Variants in FGGY observed in about 807,000 individuals in gnomAD.
FGGY encodes FGGY carbohydrate kinase domain containing.
In FGGY, 72 loss-of-function variants were observed where a neutral mutation model predicts 71.3. The observed-to-expected ratio is 1.01, with a 90% CI of 0.84 to 1.23. FGGY has a LOEUF of 1.23. Among genes scored for constraint, FGGY ranks in the 50% most tolerant of loss-of-function variants. The probability of loss-of-function intolerance (pLI) is 0.00; values close to 1 mark genes in which losing one functional copy is unlikely to be tolerated. For missense variants in FGGY, 668 were observed against 682.3 expected (o/e 0.98, Z 0.23); for synonymous variants, 251 against 250.3 (o/e 1.00, Z -0.02).
chr1:59,667,238 A>T (rs761539757), intron 12 of FGGY, 45 bp from the exon 13 acceptor site: 4 of 1,612,354 alleles, frequency 2.5e-6, no homozygotes, highest in Non-Finnish European at 3.4e-6. Context: ...CCTAGTGTTT[A>T]CTTTTGTGAC....
At chr1:59,498,996 C>T (rs1186420801) in intron 6 of FGGY, among the ~76,000 whole-genome samples, 1 of 152,176 alleles carries the variant, frequency 6.6e-6, no homozygotes, top group African/African-American at 2.4e-5. Flanking sequence ...GTAGAAGTTT[C>T]AAGGAGCTCT....
chr1:59,653,356 C>T (rs1161453549), intron 11 of FGGY, among the ~76,000 whole-genome samples: 3 of 152,184 alleles, frequency 2.0e-5, no homozygotes, highest in Non-Finnish European at 2.9e-5. Flanking sequence ...CCCAGCCTTG[C>T]TGCCGCCTTG....
intron 14 of FGGY, among the ~76,000 whole-genome samples, chr1:59,687,920 G>C (rs912230460): frequency 4.6e-5 from 7 of 152,168 alleles, no homozygotes; most frequent in African/African-American, 1.7e-4. Flanking sequence ...AGTCCTTATA[G>C]AGAATTCACT....
chr1:59,466,848 A>C (rs1210723086), intron 6 of FGGY, among the ~76,000 whole-genome samples: 4 of 152,192 alleles, frequency 2.6e-5, no homozygotes, highest in African/African-American at 7.2e-5. Context: ...TTAAACAGGA[A>C]ACAACAGGTG....
chr1:59,544,957 TC>T (rs1033712035), intron 7 of FGGY, among the ~76,000 whole-genome samples: 96 of 152,308 alleles, frequency 6.3e-4, no homozygotes, highest in African/African-American at 2.2e-3. Context: ...CTCCCCATCT[TC>T]CTTCCCTGAT....
intron 8 of FGGY, among the ~76,000 whole-genome samples, chr1:59,593,975 AAGGCTGT>A (rs1218477907): frequency 6.6e-6 from 1 of 152,192 alleles, no homozygotes; most frequent in Non-Finnish European, 1.5e-5. Context: ...CTCTGCACAA[AAGGCTGT>A]AGTTCATAGC....
At chr1:59,463,811 C>T (rs2153528060) in intron 6 of FGGY, among the ~76,000 whole-genome samples, 1 of 152,256 alleles carries the variant, frequency 6.6e-6, no homozygotes, top group South Asian at 2.1e-4. Flanking sequence ...ACAAGAAGAG[C>T]TAACTATCCT....
intron 14 of FGGY, among the ~76,000 whole-genome samples, chr1:59,713,619 G>T (rs1014688785): frequency 2.0e-5 from 3 of 152,176 alleles, no homozygotes; most frequent in Non-Finnish European, 4.4e-5. Context: ...ATGAAATAAT[G>T]GTGAGAGTAA....
At chr1:59,329,515 C>T (rs555147276) in intron 2 of FGGY, among the ~76,000 whole-genome samples, 2 of 152,344 alleles carry the variant, frequency 1.3e-5, no homozygotes, top group Non-Finnish European at 2.9e-5. Context: ...GGGTAGAACT[C>T]AATCCTTAAC....
intron 8 of FGGY, among the ~76,000 whole-genome samples, chr1:59,605,850 A>G (rs994041198): frequency 2.0e-5 from 3 of 152,168 alleles, no homozygotes; most frequent in Non-Finnish European, 2.9e-5. Flanking sequence ...TACCAAGCAC[A>G]TAGTAAGGGC....
intron 4 of FGGY, among the ~76,000 whole-genome samples, chr1:59,369,160 C>A (rs1557691879): frequency 6.6e-6 from 1 of 152,158 alleles, no homozygotes; most frequent in South Asian, 2.1e-4. Context: ...CTTTCCTAGT[C>A]AAAGAAAGGG....
Position 59,512,378 on chromosome 1 carries a change from T to C in FGGY, c.738T>C (p.Leu246=). The C allele has an allele frequency of 6.2e-7, 1 of 1,613,908 alleles. No individual in the cohort carries two copies. Among genetic ancestry groups the C allele is most frequent in the African/African-American group, 1.3e-5 (1 of 75,056 alleles). Residue 246 remains leucine (L), a synonymous_variant, in exon 7 of 16, where the codon CTT becomes CTC. Coordinates refer to ENST00000303721, the MANE Select transcript of FGGY (RefSeq NM_018291.5). Reference sequence around the variant, plus strand: ...TCACACCAGAGGCAGCAAGAGACCTTGGCCTTCTCCCTGGGATTGCGGTCG... The same window carrying C: ...TCACACCAGAGGCAGCAAGAGACCTCGGCCTTCTCCCTGGGATTGCGGTCG... ...NGLTPEAARD[L]GLLPGIAVAA...
Position 59,460,896 on chromosome 1 carries a change from A to G in FGGY, c.670+3820A>G, listed in dbSNP as rs559473452. ...AGAAAGGAATAGCATCAACATCAAC[A>G]AAAAGGACATCCACAACAAAACCAT... On this transcript the variant is annotated intron_variant, in intron 6 of 15. Transcript: ENST00000303721. Among the ~76,000 whole-genome samples, 5 of 152,326 alleles carry G rather than the reference A, an allele frequency of 3.3e-5. No individual in the cohort carries two copies. The South Asian group carries it at 8.3e-4, about 25-fold the overall frequency.
intron 14 of FGGY, among the ~76,000 whole-genome samples, chr1:59,679,178 C>T (rs2097467822): frequency 6.6e-6 from 1 of 152,218 alleles, no homozygotes; most frequent in South Asian, 2.1e-4. Context: ...ACCTCTACTT[C>T]TGTTCTTTTT....
rs189298947 is a variant in FGGY, at chr1:59,383,955, G to A, written c.554+5118G>A. On this transcript the variant is annotated intron_variant, in intron 5 of 15. Coordinates refer to ENST00000303721, the MANE Select transcript of FGGY (RefSeq NM_018291.5). ...CCTCTTGAGGCTGTGTCACGGGTGCGTCCTTAACCTTGGGAAAATAAACTT... is the reference window on the plus strand; with the variant it reads ...CCTCTTGAGGCTGTGTCACGGGTGCATCCTTAACCTTGGGAAAATAAACTT... Among the ~76,000 whole-genome samples the A allele has an allele frequency of 1.3e-3, 204 of 152,174 alleles. 1 individual carries two copies. The highest frequency in any genetic ancestry group is 3.8e-3 in the African/African-American group (157 of 41,526).
intron 14 of FGGY, among the ~76,000 whole-genome samples, chr1:59,745,766 A>G (rs937726633): frequency 2.6e-5 from 4 of 152,202 alleles, no homozygotes; most frequent in Non-Finnish European, 4.4e-5. Flanking sequence ...TAAGCTAGCT[A>G]TGGAAGAAAT....
chr1:59,359,517 G>C lies in FGGY; in HGVS notation c.465+13119G>C, dbSNP rs1045726855. On this transcript the variant is annotated intron_variant, in intron 4 of 15. Coordinates refer to ENST00000303721, the MANE Select transcript of FGGY (RefSeq NM_018291.5). The stretch of plus-strand genomic sequence containing the variant: ...TGTCCTCTTCTTTGCATTCCCCTGA[G>C]GTATTTGTAGTGAGAAAGAATGACT... Among the ~76,000 whole-genome samples the C allele has an allele frequency of 2.0e-5, 3 of 152,072 alleles. No individual in the cohort carries two copies. The East Asian group carries it at 5.8e-4, about 29-fold the overall frequency.
At chr1:59,610,152 G>T (rs2096660706) in intron 9 of FGGY, among the ~76,000 whole-genome samples, 1 of 152,188 alleles carries the variant, frequency 6.6e-6, no homozygotes, top group African/African-American at 2.4e-5. Context: ...TGCCATGGTG[G>T]TTTCCTGCAC....
chr1:59,710,387 G>A (rs2097785401), intron 14 of FGGY, among the ~76,000 whole-genome samples: 1 of 152,120 alleles, frequency 6.6e-6, no homozygotes, highest in Non-Finnish European at 1.5e-5. Context: ...ATAGGCATGG[G>A]CAAAGACTTC....
Sources: allele counts gnomAD v4.1 joint callset (sites outside exome capture counted in the v4.1 genomes callset), GRCh38; gene constraint gnomAD v4.1.1; transcripts MANE v1.5; gene names NCBI Gene and HGNC (gene_info 2026-07-23, HGNC 2026-07-21).